Variants in ZMAT4 observed in about 807,000 individuals in gnomAD.
ZMAT4 encodes zinc finger matrin-type protein 4.
ZMAT4 carries 17 observed loss-of-function variants against 28.7 expected under a neutral mutation model. The observed-to-expected ratio is 0.59, with a 90% CI of 0.41 to 0.89. The LOEUF (loss-of-function observed/expected upper bound fraction) is 0.89. Ranked by LOEUF, ZMAT4 falls within the 40% of genes least tolerant of loss-of-function variation. The pLI is 0.00. For missense variants in ZMAT4, 240 were observed against 283.8 expected (o/e 0.85, Z 1.11); for synonymous variants, 117 against 109.2 (o/e 1.07, Z -0.44).
At chr8:40,736,814 A>G (rs34535797) in intron 3 of ZMAT4, among the ~76,000 whole-genome samples, 130,159 of 151,966 alleles carry the variant, frequency 0.86, 55,868 homozygotes, top group Admixed American at 0.9. Flanking sequence ...GACGGGTGGA[A>G]GAAAGAGATG....
At chr8:40,857,339 C>T (rs183141500) in intron 1 of ZMAT4, among the ~76,000 whole-genome samples, 1 of 151,678 alleles carries the variant, frequency 6.6e-6, no homozygotes, top group East Asian at 1.9e-4. Flanking sequence ...CACTCCAGCC[C>T]AGGCAACATA....
At chr8:40,607,786 G>A (rs1271408149) in intron 5 of ZMAT4, among the ~76,000 whole-genome samples, 1 of 152,088 alleles carries the variant, frequency 6.6e-6, no homozygotes, top group African/African-American at 2.4e-5. Flanking sequence ...AAACTGCAGT[G>A]ATTGTTATTT....
chr8:40,666,811 A>G (rs1409822806), intron 5 of ZMAT4, among the ~76,000 whole-genome samples: 1 of 152,188 alleles, frequency 6.6e-6, no homozygotes, highest in Non-Finnish European at 1.5e-5. Flanking sequence ...TTTTCAATCA[A>G]TATATCGGAA....
intron 5 of ZMAT4, among the ~76,000 whole-genome samples, chr8:40,601,602 GA>G (rs1563360540): frequency 3.4e-4 from 5 of 14,574 alleles, no homozygotes; most frequent in Non-Finnish European, 6.7e-4. Context: ...AAGAAAGAAA[GA>G]AAGAAAGAAA....
At chr8:40,607,440 A>T (rs1323593037) in intron 5 of ZMAT4, among the ~76,000 whole-genome samples, 2 of 151,862 alleles carry the variant, frequency 1.3e-5, no homozygotes, top group Non-Finnish European at 2.9e-5. Context: ...TATATCTTGT[A>T]TCCTTTTTAA....
intron 3 of ZMAT4, among the ~76,000 whole-genome samples, chr8:40,756,093 C>T (rs189752444): frequency 1.8e-4 from 28 of 152,224 alleles, no homozygotes; most frequent in African/African-American, 6.7e-4. Context: ...AACATTATTG[C>T]TTCACTCTCC....
chr8:40,676,539 A>T lies in ZMAT4; in HGVS notation c.350-1608T>A, dbSNP rs74682932. Among the ~76,000 whole-genome samples, 17 of 152,272 alleles carry T rather than the reference A, an allele frequency of 1.1e-4. No individual in the cohort carries two copies. The East Asian group carries it at 3.1e-3, about 28-fold the overall frequency. Reference sequence around the variant, plus strand: ...GACCTCAATAACAAGTTAAGGAACCAATTAACCAACACCCCAAGCTTTCAG... The same window carrying T: ...GACCTCAATAACAAGTTAAGGAACCTATTAACCAACACCCCAAGCTTTCAG... On this transcript the variant is annotated intron_variant, in intron 4 of 6. Coordinates refer to ENST00000297737, the MANE Select transcript of ZMAT4 (RefSeq NM_024645.3).
At chr8:40,688,397 A>G (rs561506537) in intron 4 of ZMAT4, among the ~76,000 whole-genome samples, 1 of 152,332 alleles carries the variant, frequency 6.6e-6, no homozygotes, top group South Asian at 2.1e-4. Context: ...CAGAGGTTGC[A>G]GAGAACTGAG....
intron 1 of ZMAT4, among the ~76,000 whole-genome samples, chr8:40,838,593 G>A (rs565312075): frequency 2.0e-5 from 3 of 152,154 alleles, no homozygotes; most frequent in East Asian, 1.9e-4. Flanking sequence ...CACTCTCCTC[G>A]TCAGCTCTGC....
intron 2 of ZMAT4, among the ~76,000 whole-genome samples, chr8:40,782,614 G>A (rs973920386): frequency 1.3e-5 from 2 of 152,156 alleles, no homozygotes; most frequent in Non-Finnish European, 2.9e-5. Flanking sequence ...TGTTAAAGTG[G>A]TAAAGATAGA....
intron 4 of ZMAT4, among the ~76,000 whole-genome samples, chr8:40,676,031 G>A (rs1808892605): frequency 6.6e-6 from 1 of 152,172 alleles, no homozygotes; most frequent in African/African-American, 2.4e-5. Flanking sequence ...CTAATGGAAA[G>A]TAAAAATAAC....
At chr8:40,804,847 AT>A (rs1815008723) in intron 2 of ZMAT4, among the ~76,000 whole-genome samples, 2 of 152,042 alleles carry the variant, frequency 1.3e-5, no homozygotes, top group East Asian at 3.9e-4. Context: ...TCTTAAAAAA[AT>A]AATAATAATA....
intron 3 of ZMAT4, among the ~76,000 whole-genome samples, chr8:40,746,308 TTCC>T (rs1239347365): frequency 2.4e-3 from 267 of 110,278 alleles, no homozygotes; most frequent in Non-Finnish European, 3.8e-3. Flanking sequence ...CTCCCTTCCT[TTCC>T]TTTCCTTTCC....
intron 1 of ZMAT4, among the ~76,000 whole-genome samples, chr8:40,846,176 C>A (rs191143287): frequency 1.1e-3 from 168 of 152,298 alleles, no homozygotes; most frequent in African/African-American, 3.8e-3. Flanking sequence ...CACCCCCCTC[C>A]CTACCAAAAT....
At chr8:40,599,132 T>C (rs185165063) in intron 5 of ZMAT4, among the ~76,000 whole-genome samples, 2 of 152,292 alleles carry the variant, frequency 1.3e-5, no homozygotes, top group Admixed American at 1.3e-4. Context: ...TTATTGTAAT[T>C]TCTCTCTCCT....
intron 5 of ZMAT4, among the ~76,000 whole-genome samples, chr8:40,602,558 G>A (rs1301280069): frequency 1.3e-5 from 2 of 151,952 alleles, no homozygotes; most frequent in African/African-American, 4.8e-5. Context: ...TTTTGATTAT[G>A]GCCATTCTTA....
At chr8:40,708,507 C>T (rs1190308596) in intron 3 of ZMAT4, among the ~76,000 whole-genome samples, 7 of 151,618 alleles carry the variant, frequency 4.6e-5, no homozygotes, top group African/African-American at 1.7e-4. Flanking sequence ...TAATACACTT[C>T]CGTAAACAAA....
chr8:40,732,470 G>A (rs1446921780), intron 3 of ZMAT4, among the ~76,000 whole-genome samples: 2 of 152,206 alleles, frequency 1.3e-5, no homozygotes, highest in African/African-American at 4.8e-5. Context: ...TCTGGCATCT[G>A]TACAGTTGGG....
At chr8:40,784,330 A>G (rs1378391487) in intron 2 of ZMAT4, among the ~76,000 whole-genome samples, 1 of 152,200 alleles carries the variant, frequency 6.6e-6, no homozygotes. Context: ...GCATATCTAA[A>G]TCAATGCGGA....
Sources: gnomAD v4.1 joint callset for allele counts (sites outside exome capture counted in the v4.1 genomes callset) on GRCh38, gnomAD v4.1.1 for gene constraint, MANE v1.5 for transcripts, NCBI Gene and HGNC (gene_info 2026-07-23, HGNC 2026-07-21) for gene names.